Variants in NRXN3 observed in about 807,000 individuals in gnomAD.
NRXN3 encodes the protein neurexin III.
Under a neutral mutation model 137.6 loss-of-function variants are expected in NRXN3, and 32 were observed. The ratio of observed to expected loss-of-function variants is 0.23; its 90% CI spans 0.18 to 0.31. The LOEUF is 0.31. Among genes scored for constraint, NRXN3 ranks in the 10% least tolerant of loss-of-function variants. The pLI, the probability that NRXN3 is intolerant of heterozygous loss-of-function variation, is 1.00. For missense variants in NRXN3, 1,574 were observed against 2,062.5 expected, an observed-to-expected ratio of 0.76 and a Z score of 4.59; for synonymous variants, 798 against 784.5, an observed-to-expected ratio of 1.02 and a Z score of -0.29.
At chr14:79,139,820 A>G (rs1392172656) in intron 15 of NRXN3, among the ~76,000 whole-genome samples, 1 of 151,860 alleles carries the variant, frequency 6.6e-6, no homozygotes, top group East Asian at 1.9e-4. Flanking sequence ...TCATAATCTG[A>G]ATTTAACTCC....
At chr14:79,515,065 C>T (rs910338992) in intron 16 of NRXN3, among the ~76,000 whole-genome samples, 1 of 150,602 alleles carries the variant, frequency 6.6e-6, no homozygotes, top group Non-Finnish European at 1.5e-5. Flanking sequence ...GTGGCAGAGC[C>T]TCAGAGGATT....
intron 15 of NRXN3, among the ~76,000 whole-genome samples, chr14:79,372,703 A>G (rs1356566459): frequency 2.0e-5 from 3 of 152,066 alleles, no homozygotes; most frequent in African/African-American, 7.2e-5. Context: ...TGTGAATTGG[A>G]TATGTGAATG....
intron 16 of NRXN3, among the ~76,000 whole-genome samples, chr14:79,496,235 TCTCA>T (rs796096057): frequency 0.017 from 2,434 of 145,346 alleles, 77 homozygotes; most frequent in East Asian, 0.12. Context: ...TCTCTCTCTC[TCTCA>T]CACACACACA....
At chr14:79,237,682 A>T (rs920040466) in intron 15 of NRXN3, among the ~76,000 whole-genome samples, 2 of 152,172 alleles carry the variant, frequency 1.3e-5, no homozygotes, top group African/African-American at 4.8e-5. Flanking sequence ...GAGATGGGGA[A>T]GCAAAGAGAT....
intron 15 of NRXN3, among the ~76,000 whole-genome samples, chr14:79,209,386 A>G (rs1273476058): frequency 1.3e-5 from 2 of 152,038 alleles, no homozygotes; most frequent in African/African-American, 4.8e-5. Context: ...CAGTCTGTCT[A>G]TAATGCACTG....
intron 10 of NRXN3, among the ~76,000 whole-genome samples, chr14:78,826,933 C>T (rs1051699512): frequency 1.8e-4 from 28 of 152,182 alleles, no homozygotes; most frequent in African/African-American, 6.5e-4. Flanking sequence ...TGAATGTCAA[C>T]GTTTAAGAGA....
chr14:78,815,777 C>T (rs899362664), intron 10 of NRXN3, among the ~76,000 whole-genome samples: 1 of 152,078 alleles, frequency 6.6e-6, no homozygotes, highest in African/African-American at 2.4e-5. Context: ...GAAACTCTTG[C>T]CTCAGACCAA....
intron 10 of NRXN3, among the ~76,000 whole-genome samples, chr14:78,866,752 C>A (rs1371432427): frequency 6.8e-6 from 1 of 146,274 alleles, no homozygotes; most frequent in African/African-American, 2.5e-5. Context: ...GAAGTATAAA[C>A]AATAAAAATA....
At chr14:78,899,340 C>G (rs750458973) in intron 10 of NRXN3, among the ~76,000 whole-genome samples, 11 of 151,908 alleles carry the variant, frequency 7.2e-5, no homozygotes, top group Non-Finnish European at 1.6e-4. Flanking sequence ...TTCTCCAATC[C>G]TAAGCCCAAG....
At chr14:78,469,796 C>CG (rs2095221229) in intron 4 of NRXN3, among the ~76,000 whole-genome samples, 2 of 152,212 alleles carry the variant, frequency 1.3e-5, no homozygotes, top group Non-Finnish European at 2.9e-5. Flanking sequence ...AAAAATACAA[C>CG]TTCCACCATT....
chr14:79,351,223 T>C (rs1012369001), intron 15 of NRXN3, among the ~76,000 whole-genome samples: 3 of 152,232 alleles, frequency 2.0e-5, no homozygotes, highest in Non-Finnish European at 4.4e-5. Flanking sequence ...AGAGGATATT[T>C]GCATTTAACT....
intron 15 of NRXN3, among the ~76,000 whole-genome samples, chr14:79,358,660 A>AGAAG (rs2093568303): frequency 1.3e-5 from 2 of 151,020 alleles, no homozygotes; most frequent in East Asian, 4.1e-4. Context: ...AAAGAAAGAA[A>AGAAG]GAAAGAAAGT....
At chr14:79,128,963 A>G (rs376719070) in intron 15 of NRXN3, among the ~76,000 whole-genome samples, 3 of 152,168 alleles carry the variant, frequency 2.0e-5, no homozygotes, top group Admixed American at 1.3e-4. Flanking sequence ...GTTTATTTGC[A>G]TAGAAGTGTT....
chr14:79,860,692 C>T (rs1462181248), intron 20 of NRXN3, among the ~76,000 whole-genome samples: 1 of 152,142 alleles, frequency 6.6e-6, no homozygotes, highest in Non-Finnish European at 1.5e-5. Flanking sequence ...GTGCGTGTAC[C>T]CACACATGCC....
intron 15 of NRXN3, among the ~76,000 whole-genome samples, chr14:79,251,888 G>T (rs2075982715): frequency 6.6e-6 from 1 of 150,712 alleles, no homozygotes; most frequent in South Asian, 2.1e-4. Flanking sequence ...GCATGATCAT[G>T]GCTCACTGCA....
intron 17 of NRXN3, among the ~76,000 whole-genome samples, chr14:79,690,565 T>C (rs937737213): frequency 6.6e-6 from 1 of 152,142 alleles, no homozygotes; most frequent in African/African-American, 2.4e-5. Flanking sequence ...AAACATAGGC[T>C]AGAAGCAGAT....
chr14:78,756,729 T>C (rs1008343047), intron 8 of NRXN3, among the ~76,000 whole-genome samples: 5 of 152,164 alleles, frequency 3.3e-5, no homozygotes, highest in Admixed American at 1.3e-4. Flanking sequence ...ACTGAGGAAT[T>C]TGCACAATTA....
At chr14:79,295,110 C>A (rs1350709240) in intron 15 of NRXN3, among the ~76,000 whole-genome samples, 1 of 152,130 alleles carries the variant, frequency 6.6e-6, no homozygotes, top group Non-Finnish European at 1.5e-5. Context: ...GATCTGGCCC[C>A]TGTGTATCCC....
At chr14:79,066,326 C>T (rs139452479) in intron 15 of NRXN3, among the ~76,000 whole-genome samples, 14 of 152,202 alleles carry the variant, frequency 9.2e-5, no homozygotes, top group South Asian at 6.2e-4. Flanking sequence ...TCTGAGTTCT[C>T]TGTGCTTTTC....
Sources: gnomAD v4.1 joint callset for allele counts (sites outside exome capture counted in the v4.1 genomes callset) on GRCh38, gnomAD v4.1.1 for gene constraint, MANE v1.5 for transcripts, NCBI Gene and HGNC (gene_info 2026-07-23, HGNC 2026-07-21) for gene names.